Variants in BRINP2 observed in about 807,000 individuals in gnomAD.
BRINP2 encodes BMP/retinoic acid-inducible neural-specific protein 2.
A neutral mutation model predicts 69.2 loss-of-function variants in BRINP2; 21 were observed. The observed-to-expected ratio is 0.30, with a 90% CI of 0.22 to 0.44. The LOEUF (loss-of-function observed/expected upper bound fraction) is 0.44. Among genes scored for constraint, BRINP2 ranks in the 20% least tolerant of loss-of-function variants. BRINP2 has a pLI of 1.00. For synonymous variants in BRINP2, 380 were observed against 394.1 expected (o/e 0.96, Z 0.42); for missense variants, 877 against 986.0 (o/e 0.89, Z 1.48).
chr1:177,193,644 T>C (rs1028508398), intron 1 of BRINP2, among the ~76,000 whole-genome samples: 2 of 152,226 alleles, frequency 1.3e-5, no homozygotes, highest in Non-Finnish European at 2.9e-5. Context: ...ATGCCCTTTC[T>C]TGAATTTGAG....
intron 1 of BRINP2, among the ~76,000 whole-genome samples, chr1:177,208,818 T>C (rs920845262): frequency 1.3e-5 from 2 of 152,204 alleles, no homozygotes; most frequent in Non-Finnish European, 2.9e-5. Context: ...TTGGAGTTTA[T>C]CAAAACGCAT....
intron 1 of BRINP2, among the ~76,000 whole-genome samples, chr1:177,215,970 T>G (rs1222725366): frequency 1.3e-5 from 2 of 152,056 alleles, no homozygotes; most frequent in African/African-American, 4.8e-5. Context: ...AAGAATATCT[T>G]TTTTTTATTC....
At chr1:177,212,940 G>T (rs923148043) in intron 1 of BRINP2, among the ~76,000 whole-genome samples, 21 of 152,174 alleles carry the variant, frequency 1.4e-4, no homozygotes, top group African/African-American at 5.1e-4. Context: ...TACCTACCTT[G>T]GTGGAAATAA....
At chr1:177,269,879 A>G (rs553985788) in intron 4 of BRINP2, among the ~76,000 whole-genome samples, 1 of 152,274 alleles carries the variant, frequency 6.6e-6, no homozygotes, top group South Asian at 2.1e-4. Context: ...ACCAATTAGC[A>G]CACAATTATT....
At chr1:177,198,825 A>C (rs1442057869) in intron 1 of BRINP2, among the ~76,000 whole-genome samples, 1 of 152,246 alleles carries the variant, frequency 6.6e-6, no homozygotes, top group Non-Finnish European at 1.5e-5. Flanking sequence ...TTAGCTCTGC[A>C]AACACCTTTT....
intron 4 of BRINP2, among the ~76,000 whole-genome samples, chr1:177,257,925 C>G (rs765531505): frequency 6.6e-6 from 1 of 152,130 alleles, no homozygotes. Context: ...CAGGAACCAG[C>G]CTGGTGCCTT....
At chr1:177,178,104 A>C (rs2102286736) in intron 1 of BRINP2, among the ~76,000 whole-genome samples, 1 of 152,256 alleles carries the variant, frequency 6.6e-6, no homozygotes, top group Admixed American at 6.5e-5. Flanking sequence ...GATTTCTCAA[A>C]GCCATCCTCT....
intron 4 of BRINP2, among the ~76,000 whole-genome samples, chr1:177,260,717 A>AT (rs1650918786): frequency 2.0e-5 from 3 of 152,162 alleles, no homozygotes. Flanking sequence ...GATCATTAGC[A>AT]TTTTCTAGCA....
At chr1:177,259,303 G>A (rs1650866868) in intron 4 of BRINP2, among the ~76,000 whole-genome samples, 1 of 152,164 alleles carries the variant, frequency 6.6e-6, no homozygotes, top group Non-Finnish European at 1.5e-5. Flanking sequence ...TGCAGACTGA[G>A]AGGGGTCAAA....
intron 4 of BRINP2, among the ~76,000 whole-genome samples, chr1:177,271,317 T>C (rs1558185214): frequency 6.6e-6 from 1 of 152,226 alleles, no homozygotes; most frequent in Non-Finnish European, 1.5e-5. Flanking sequence ...TTTGTTTTGC[T>C]CAATGTTAAC....
intron 2 of BRINP2, 80 bp downstream of exon 2, chr1:177,230,225 C>A: frequency 1.4e-6 from 2 of 1,458,578 alleles, no homozygotes; most frequent in South Asian, 2.8e-5. Context: ...CTGGCCCAAA[C>A]CCCTAAACAG....
chr1:177,253,085 T>C (rs899346205), intron 2 of BRINP2, among the ~76,000 whole-genome samples: 8 of 152,160 alleles, frequency 5.3e-5, no homozygotes, highest in Admixed American at 1.3e-4. Context: ...TGCTAGATCA[T>C]ATGTTAGTTC....
intron 1 of BRINP2, among the ~76,000 whole-genome samples, chr1:177,221,208 T>C (rs566022491): frequency 6.6e-6 from 1 of 152,334 alleles, no homozygotes; most frequent in African/African-American, 2.4e-5. Flanking sequence ...ACAATGGGCA[T>C]AATAACAGCA....
At chr1:177,253,034 A>G (rs1650632307) in intron 2 of BRINP2, among the ~76,000 whole-genome samples, 1 of 152,070 alleles carries the variant, frequency 6.6e-6, no homozygotes. Flanking sequence ...TCTTTGATAT[A>G]CTAATTTCAG....
chr1:177,181,289 A>AT (rs139394382), intron 1 of BRINP2, among the ~76,000 whole-genome samples: 13,079 of 152,044 alleles, frequency 0.086, 671 homozygotes, highest in Middle Eastern at 0.2. Flanking sequence ...CTCAGTTGTG[A>AT]TTTTTTTTCT....
chr1:177,208,340 A>G (rs1649123290), intron 1 of BRINP2, among the ~76,000 whole-genome samples: 1 of 152,226 alleles, frequency 6.6e-6, no homozygotes, highest in Admixed American at 6.5e-5. Flanking sequence ...TAAGTAGGTT[A>G]AAGAACAGTG....
rs753058449 is a variant in BRINP2, at chr1:177,257,356, A to T, written c.641A>T (p.His214Leu). ...GAGAGCACGCTGCGACGGCTGCACC[A>T]TATCCAGATAGCCACGGGGGCCATC... is the stretch of plus-strand genomic sequence containing the variant. Reference protein sequence around the residue: ...DRESTLRRLHHIQIATGAIKV... With the variant: ...DRESTLRRLHLIQIATGAIKV... The change falls in exon 4 of 8, where the codon CAT (histidine) becomes CTT (leucine). Residue 214 changes from histidine (H) to leucine (L), a missense_variant. Physicochemically the swap from His to Leu is moderately conservative, Grantham distance 99. Transcript: ENST00000361539. 1 of 1,612,328 alleles carries T rather than the reference A, an allele frequency of 6.2e-7. No individual in the cohort carries two copies. Among genetic ancestry groups the T allele is most frequent in the Non-Finnish European group, 8.5e-7 (1 of 1,178,750 alleles).
At chr1:177,207,307 T>C (rs923748645) in intron 1 of BRINP2, among the ~76,000 whole-genome samples, 4 of 152,126 alleles carry the variant, frequency 2.6e-5, no homozygotes, top group African/African-American at 9.7e-5. Flanking sequence ...GGTAGACAGA[T>C]AGAAGGCAAA....
At chr1:177,275,693 G>C (rs1651468895) in intron 5 of BRINP2, among the ~76,000 whole-genome samples, 1 of 152,156 alleles carries the variant, frequency 6.6e-6, no homozygotes, top group Non-Finnish European at 1.5e-5. Flanking sequence ...TTGGTCATCA[G>C]AGCTAGGGTG....
Sources: allele counts gnomAD v4.1 joint callset (sites outside exome capture counted in the v4.1 genomes callset), GRCh38; gene constraint gnomAD v4.1.1; transcripts MANE v1.5; gene names NCBI Gene and HGNC (gene_info 2026-07-23, HGNC 2026-07-21).